TTC28: variants seen among roughly 807,000 people sequenced by gnomAD.
TTC28 encodes the protein tetratricopeptide repeat protein 28.
Under a neutral mutation model 198.0 loss-of-function variants are expected in TTC28, and 61 were observed. That is an observed-to-expected ratio of 0.31 (90% CI 0.25 to 0.38). The LOEUF (loss-of-function observed/expected upper bound fraction) is 0.38. Among genes scored for constraint, TTC28 ranks in the 10% least tolerant of loss-of-function variants. The pLI is 1.00. For synonymous variants in TTC28, 1,171 were observed against 1,297.8 expected (o/e 0.90, Z 2.10); for missense variants, 2,678 against 3,164.0 (o/e 0.85, Z 3.69).
At chr22:28,428,125 C>CAAAA (rs374249842) in intron 2 of TTC28, among the ~76,000 whole-genome samples, 1 of 99,914 alleles carries the variant, frequency 1.0e-5, no homozygotes. Context: ...TACCGTAAGA[C>CAAAA]AAAAAAAAAA....
intron 5 of TTC28, among the ~76,000 whole-genome samples, chr22:28,192,580 T>C (rs528574039): frequency 5.9e-5 from 9 of 152,150 alleles, no homozygotes; most frequent in Non-Finnish European, 8.8e-5. Context: ...GAATAAACAG[T>C]GTAGAGAAGA....
At chr22:28,254,910 C>A (rs955412421) in intron 5 of TTC28, among the ~76,000 whole-genome samples, 4 of 152,184 alleles carry the variant, frequency 2.6e-5, no homozygotes, top group Non-Finnish European at 5.9e-5. Context: ...CTGGAAAACA[C>A]AAGAAACCTT....
intron 5 of TTC28, among the ~76,000 whole-genome samples, chr22:28,220,798 A>T (rs1927794594): frequency 1.3e-5 from 2 of 152,208 alleles, no homozygotes; most frequent in African/African-American, 4.8e-5. Flanking sequence ...GGCAGGAATC[A>T]TGGGGCCCAC....
intron 18 of TTC28, 40 bp from the exon 19 acceptor site, chr22:27,992,703 C>A: frequency 6.5e-7 from 1 of 1,536,500 alleles, no homozygotes; most frequent in Non-Finnish European, 8.8e-7. Context: ...TCAGAAGGGC[C>A]TCTGCACCCA....
intron 2 of TTC28, among the ~76,000 whole-genome samples, chr22:28,422,441 AT>A (rs766933774): frequency 3.3e-3 from 477 of 144,524 alleles, no homozygotes; most frequent in Middle Eastern, 0.01. Context: ...ACATTAAATA[AT>A]TTTTTTTTTT....
At chr22:28,203,582 TAGC>T (rs1420452731) in intron 5 of TTC28, among the ~76,000 whole-genome samples, 1 of 152,128 alleles carries the variant, frequency 6.6e-6, no homozygotes, top group African/African-American at 2.4e-5. Context: ...TTTATTTTCA[TAGC>T]AGAATTAAAC....
intron 2 of TTC28, among the ~76,000 whole-genome samples, chr22:28,460,834 T>C (rs1348502873): frequency 6.6e-6 from 1 of 151,886 alleles, no homozygotes; most frequent in Admixed American, 6.6e-5. Context: ...CAGGTGTGCA[T>C]CACCACACCT....
intron 12 of TTC28, among the ~76,000 whole-genome samples, chr22:28,060,041 C>G (rs1459537587): frequency 6.6e-6 from 1 of 151,724 alleles, no homozygotes; most frequent in East Asian, 1.9e-4. Flanking sequence ...AGTTCCTTAA[C>G]ATTTATTGAA....
intron 2 of TTC28, among the ~76,000 whole-genome samples, chr22:28,595,032 T>C (rs1357337301): frequency 5.3e-5 from 8 of 152,226 alleles, no homozygotes; most frequent in Non-Finnish European, 1.2e-4. Context: ...GTTGTAGGCC[T>C]TTTAATAACA....
intron 8 of TTC28, among the ~76,000 whole-genome samples, chr22:28,104,200 C>T (rs998171401): frequency 6.6e-6 from 1 of 152,206 alleles, no homozygotes; most frequent in Non-Finnish European, 1.5e-5. Flanking sequence ...TACTCTGCAA[C>T]TGTAAAGTTA....
intron 17 of TTC28, chr22:27,994,524 C>T (rs991475951): frequency 2.0e-5 from 3 of 149,934 alleles, no homozygotes; most frequent in African/African-American, 7.4e-5. Flanking sequence ...GAAGTGTGTA[C>T]TCACACCAGC....
chr22:28,302,936 T>C (rs1423680888), intron 3 of TTC28, among the ~76,000 whole-genome samples: 1 of 152,052 alleles, frequency 6.6e-6, no homozygotes, highest in Non-Finnish European at 1.5e-5. Context: ...ATTAGACAAA[T>C]AAAAGGTGAG....
chr22:28,268,924 T>G (rs2147320454), intron 5 of TTC28, among the ~76,000 whole-genome samples: 1 of 152,268 alleles, frequency 6.6e-6, no homozygotes, highest in East Asian at 1.9e-4. Flanking sequence ...TCTGATACAT[T>G]TTCTATTACT....
chr22:28,502,027 C>T (rs1455389326), intron 2 of TTC28, among the ~76,000 whole-genome samples: 3 of 152,054 alleles, frequency 2.0e-5, no homozygotes, highest in Non-Finnish European at 2.9e-5. Flanking sequence ...TATGTTTTTT[C>T]CATCCTATCT....
chr22:28,179,510 C>A (rs1923501590), intron 5 of TTC28, among the ~76,000 whole-genome samples: 1 of 152,132 alleles, frequency 6.6e-6, no homozygotes, highest in Admixed American at 6.5e-5. Flanking sequence ...TCTGTCCAGG[C>A]AGGTAAGATT....
chr22:28,466,421 T>C (rs1459623320), intron 2 of TTC28, among the ~76,000 whole-genome samples: 1 of 152,180 alleles, frequency 6.6e-6, no homozygotes, highest in Non-Finnish European at 1.5e-5. Context: ...CCTTCCTCTA[T>C]ATTGCAGGTA....
intron 2 of TTC28, among the ~76,000 whole-genome samples, chr22:28,580,451 T>C (rs916447197): frequency 1.3e-5 from 2 of 152,230 alleles, no homozygotes; most frequent in Non-Finnish European, 2.9e-5. Context: ...TTGCCCAGGC[T>C]GGTCTCAAAC....
chr22:27,994,146 G>A (rs1032546870), intron 17 of TTC28, among the ~76,000 whole-genome samples: 3 of 152,206 alleles, frequency 2.0e-5, no homozygotes, highest in African/African-American at 7.2e-5. Context: ...GGGCCTCAAG[G>A]CTAAGTGGCG....
chr22:28,585,926 T>C (rs1332379154), intron 2 of TTC28, among the ~76,000 whole-genome samples: 1 of 151,646 alleles, frequency 6.6e-6, no homozygotes, highest in Non-Finnish European at 1.5e-5. Flanking sequence ...TGTATACCTA[T>C]GTAACAAACC....
Sources: allele counts gnomAD v4.1 joint callset (sites outside exome capture counted in the v4.1 genomes callset), GRCh38; gene constraint gnomAD v4.1.1; transcripts MANE v1.5; gene names NCBI Gene and HGNC (gene_info 2026-07-23, HGNC 2026-07-21).